Variants in AKAP3 observed in about 807,000 individuals in gnomAD.
The protein encoded by AKAP3 is A-kinase anchor protein 3.
AKAP3 carries 27 observed loss-of-function variants against 57.2 expected under a neutral mutation model. That is an observed-to-expected ratio of 0.47 (90% CI 0.35 to 0.65). AKAP3 has a LOEUF of 0.65. AKAP3 is among the 30% of genes least tolerant of loss of function. The pLI, the probability that AKAP3 is intolerant of heterozygous loss-of-function variation, is 0.01. For synonymous variants in AKAP3, 334 were observed against 392.3 expected (o/e 0.85, Z 1.76); for missense variants, 959 against 1,040.0 (o/e 0.92, Z 1.07).
At chr12:4,616,838 T>C (rs753091314) in intron 5 of AKAP3, among the ~76,000 whole-genome samples, 2 of 152,132 alleles carry the variant, frequency 1.3e-5, no homozygotes, top group Non-Finnish European at 2.9e-5. Flanking sequence ...TTGTGGGCAA[T>C]ACCAAAAACT....
rs760859566 is a variant in AKAP3 at position 4,627,575 on chromosome 12, C to T, written c.1327G>A (p.Glu443Lys). The stretch of plus-strand genomic sequence containing the variant: ...TCACCCAGAGTTTTCGCACAAGTCT[C>T]CTCCTCTGATTTGGGTTCAGAATAC... ...KMYSEPKSEE[E>K]TCAKTLGEHI... Residue 443 changes from glutamate (E) to lysine (K), a missense_variant, in exon 5 of 6, where the codon GAG becomes AAG. Glu to Lys is a moderately conservative substitution (Grantham distance 56). Coordinates refer to ENST00000228850, the MANE Select transcript of AKAP3 (RefSeq NM_001278309.2). The T allele has an allele frequency of 8.7e-6, 14 of 1,614,012 alleles. No homozygotes were observed. Among genetic ancestry groups the T allele is most frequent in the Non-Finnish European group, 1.0e-5 (12 of 1,180,028 alleles).
At chr12:4,629,315 T>C (rs1470075222) in intron 4 of AKAP3, among the ~76,000 whole-genome samples, 4 of 152,246 alleles carry the variant, frequency 2.6e-5, no homozygotes, top group African/African-American at 7.2e-5. Flanking sequence ...TATTCCATGG[T>C]GTATACATAC....
chr12:4,626,588 GC>G lies in AKAP3; in HGVS notation c.2313del (p.Lys771AsnfsTer10). On this transcript the variant is annotated frameshift_variant, in exon 5 of 6. Transcript: ENST00000228850. LOFTEE classifies it high-confidence loss of function. ...ACCCATTGAAGGACGGCTTGGAGTT[GC>G]TTGTTCTGAACTGTGTCCGTTAGGT... ...NHNLTDTVQN[K>X]QLQAVLQWVA... The G allele has an allele frequency of 6.2e-7, 1 of 1,614,180 alleles. No homozygotes were observed. The highest frequency in any genetic ancestry group is 8.5e-7 in the Non-Finnish European group (1 of 1,180,022).
intron 5 of AKAP3, among the ~76,000 whole-genome samples, chr12:4,621,289 G>T (rs1388500800): frequency 6.6e-6 from 1 of 151,860 alleles, no homozygotes; most frequent in Admixed American, 6.6e-5. Context: ...ATTGAAGAAA[G>T]AAAAATATTT....
rs1008657906 is a variant in AKAP3, at chr12:4,635,884, C to T, written c.96+2217G>A. 6 of 682,538 alleles carry T rather than the reference C, an allele frequency of 8.8e-6. No homozygotes were observed. In the Admixed American group the frequency reaches 1.2e-4, roughly 14 times the overall value. 42.3% of individuals were successfully genotyped at this position (682,538 alleles called of 1,614,324 possible). A position where few individuals can be genotyped will look rare whatever the true frequency, so the allele number is the denominator to read the frequency against. ...ACGTCTATTTTCTGGCTAAGAACCACCACTCTTAGATCTCTCCATTTTTTC... is the reference window on the plus strand; with the variant it reads ...ACGTCTATTTTCTGGCTAAGAACCATCACTCTTAGATCTCTCCATTTTTTC... On this transcript the variant is annotated intron_variant, in intron 4 of 5. Coordinates refer to ENST00000228850, the MANE Select transcript of AKAP3 (RefSeq NM_001278309.2).
At chr12:4,621,671 T>C (rs1945349453) in intron 5 of AKAP3, among the ~76,000 whole-genome samples, 1 of 152,140 alleles carries the variant, frequency 6.6e-6, no homozygotes, top group Non-Finnish European at 1.5e-5. Flanking sequence ...GTAAGTACCG[T>C]CTATTATGTT....
Position 4,628,074 on chromosome 12 carries a change from G to A in AKAP3, c.828C>T (p.Asp276=), listed in dbSNP as rs774614928. Residue 276 remains aspartate, a synonymous_variant, in exon 5 of 6, where the codon GAC becomes GAT. Transcript: ENST00000228850. ...KRFRGQERPD[D]FTASVSEGIM... is the part of the protein sequence containing the mutation. The stretch of plus-strand genomic sequence containing the variant: ...TCCCTTCACTAACAGAAGCCGTAAA[G>A]TCATCAGGCCTTTCCTGCCCTCGAA... 11 of 1,614,002 alleles carry A rather than the reference G, an allele frequency of 6.8e-6. No individual in the cohort carries two copies.
At chr12:4,621,100 T>C (rs1385529044) in intron 5 of AKAP3, among the ~76,000 whole-genome samples, 1 of 152,076 alleles carries the variant, frequency 6.6e-6, no homozygotes, top group Non-Finnish European at 1.5e-5. Context: ...GTTTGTATCT[T>C]CATTTTTAAT....
intron 3 of AKAP3, 113 bp from the exon 4 acceptor site, chr12:4,638,309 T>C (rs1275946715): frequency 9.5e-6 from 7 of 736,510 alleles, no homozygotes; most frequent in Admixed American, 9.4e-5. Context: ...ATGCCTTCAA[T>C]AGAGACCTTC....
rs1440959337 is a variant in AKAP3 at position 4,626,742 on chromosome 12, G to A, written c.2160C>T (p.Ala720=). ...FPDSLYECLP[A]KGTGSAEAVL... is the part of the protein sequence containing the mutation. ...CAGCTTCTGCTGACCCTGTGCCCTT[G>A]GCTGGTAAGCACTCATATAAACTAT... is the stretch of plus-strand genomic sequence containing the variant. Residue 720 remains alanine (A), a synonymous_variant, in exon 5 of 6, where the codon GCC becomes GCT. Coordinates refer to ENST00000228850, the MANE Select transcript of AKAP3 (RefSeq NM_001278309.2). 5 of 1,614,008 alleles carry A rather than the reference G, an allele frequency of 3.1e-6. No individual in the cohort carries two copies. Among genetic ancestry groups the A allele is most frequent in the Non-Finnish European group, 4.2e-6 (5 of 1,180,020 alleles).
Position 4,638,135 on chromosome 12 carries a change from G to A in AKAP3, c.62C>T (p.Ser21Phe), listed in dbSNP as rs759457717. The A allele has an allele frequency of 2.5e-6, 4 of 1,613,930 alleles. No homozygotes were observed. The Admixed American group carries it at 6.7e-5, about 27-fold the overall frequency. Reference protein sequence around the residue: ...QNGVCKVDVYSPGDNQAQDWK... With the variant: ...QNGVCKVDVYFPGDNQAQDWK... ...GTCCTGGGCTTGGTTGTCTCCAGGAGAATAGACATCAACTTTGCATACTCC... is the reference window on the plus strand; with the variant it reads ...GTCCTGGGCTTGGTTGTCTCCAGGAAAATAGACATCAACTTTGCATACTCC... The change falls in exon 4 of 6, where the codon TCT (serine) becomes TTT (phenylalanine). Residue 21 changes from serine to phenylalanine, a missense_variant. Transcript: ENST00000228850.
chr12:4,628,839 C>T, intron 4 of AKAP3, 34 bp from the exon 5 acceptor site: 1 of 1,564,704 alleles, frequency 6.4e-7, no homozygotes, highest in South Asian at 1.2e-5. Context: ...CTGACTATAA[C>T]AAAGTAAAGA....
At chr12:4,621,482 A>G (rs1024504894) in intron 5 of AKAP3, among the ~76,000 whole-genome samples, 3 of 152,120 alleles carry the variant, frequency 2.0e-5, no homozygotes, top group African/African-American at 7.2e-5. Context: ...TATCTTTCAA[A>G]CCATATTTTT....
chr12:4,630,649 T>C (rs1014262450), intron 4 of AKAP3, among the ~76,000 whole-genome samples: 2 of 152,224 alleles, frequency 1.3e-5, no homozygotes, highest in African/African-American at 4.8e-5. Flanking sequence ...TCACACATCA[T>C]CTATAGCATA....
chr12:4,629,209 C>A (rs929197095), intron 4 of AKAP3, among the ~76,000 whole-genome samples: 1 of 152,192 alleles, frequency 6.6e-6, no homozygotes, highest in African/African-American at 2.4e-5. Flanking sequence ...TGACATATAT[C>A]TTTAAGATTG....
chr12:4,620,597 G>T (rs1432873964), intron 5 of AKAP3, among the ~76,000 whole-genome samples: 2 of 151,778 alleles, frequency 1.3e-5, no homozygotes, highest in African/African-American at 2.4e-5. Flanking sequence ...GTCATACACT[G>T]CATAATGATG....
At chr12:4,619,118 C>T (rs1945317662) in intron 5 of AKAP3, among the ~76,000 whole-genome samples, 1 of 152,132 alleles carries the variant, frequency 6.6e-6, no homozygotes, top group Admixed American at 6.5e-5. Flanking sequence ...AAATGAAATG[C>T]ACAATGAGAT....
chr12:4,621,610 G>C (rs911297096), intron 5 of AKAP3, among the ~76,000 whole-genome samples: 11 of 152,104 alleles, frequency 7.2e-5, no homozygotes, highest in African/African-American at 2.7e-4. Context: ...AGGAGCAATA[G>C]GCTATACAAT....
At chr12:4,642,392 T>C (rs1336245882) in intron 2 of AKAP3, among the ~76,000 whole-genome samples, 1 of 152,192 alleles carries the variant, frequency 6.6e-6, no homozygotes, top group African/African-American at 2.4e-5. Flanking sequence ...TCAAAACACT[T>C]TGCAAGCATC....
Sources: gnomAD v4.1 joint callset for allele counts (sites outside exome capture counted in the v4.1 genomes callset) on GRCh38, gnomAD v4.1.1 for gene constraint, MANE v1.5 for transcripts, NCBI Gene and HGNC (gene_info 2026-07-23, HGNC 2026-07-21) for gene names.